The following EPC2 variants were observed in gnomAD, a reference collection of about 807,000 sequenced individuals.
EPC2 encodes the protein enhancer of polycomb homolog 2.
Under a neutral mutation model 92.1 loss-of-function variants are expected in EPC2, and 14 were observed. The observed-to-expected ratio is 0.15, with a 90% CI of 0.10 to 0.24. The LOEUF is 0.24. Among genes scored for constraint, EPC2 ranks in the 10% least tolerant of loss-of-function variants. The pLI is 1.00. For synonymous variants in EPC2, 340 were observed against 334.7 expected (o/e 1.02, Z -0.17); for missense variants, 755 against 971.5 (o/e 0.78, Z 2.96).
At chr2:148,715,401 T>C (rs1338464396) in intron 2 of EPC2, among the ~76,000 whole-genome samples, 1 of 152,214 alleles carries the variant, frequency 6.6e-6, no homozygotes, top group East Asian at 1.9e-4. Flanking sequence ...GATTTTTGTT[T>C]TTGGTGTAAG....
intron 1 of EPC2, among the ~76,000 whole-genome samples, chr2:148,678,978 A>G (rs1442521297): frequency 6.6e-6 from 1 of 152,196 alleles, no homozygotes; most frequent in East Asian, 1.9e-4. Context: ...GAGCCTAGGA[A>G]TTTGAAGTTA....
chr2:148,769,971 A>AT (rs1228971349), intron 8 of EPC2, among the ~76,000 whole-genome samples: 2 of 152,194 alleles, frequency 1.3e-5, no homozygotes, highest in African/African-American at 4.8e-5. Context: ...GAAAGGGGAC[A>AT]GACAGCATGA....
intron 1 of EPC2, among the ~76,000 whole-genome samples, chr2:148,665,876 G>A (rs984598207): frequency 3.9e-5 from 6 of 152,136 alleles, no homozygotes; most frequent in Admixed American, 2.0e-4. Context: ...GGAATTTATA[G>A]TAAATGGGCA....
chr2:148,707,609 C>T (rs1682030303), intron 2 of EPC2, among the ~76,000 whole-genome samples: 1 of 152,096 alleles, frequency 6.6e-6, no homozygotes, highest in South Asian at 2.1e-4. Flanking sequence ...TAAAGCATTC[C>T]TCAGCAAATG....
At chr2:148,646,849 C>G (rs749620738) in intron 1 of EPC2, among the ~76,000 whole-genome samples, 5 of 152,034 alleles carry the variant, frequency 3.3e-5, no homozygotes, top group Non-Finnish European at 7.4e-5. Flanking sequence ...CGGTGGGTCA[C>G]GCCTGTAATC....
chr2:148,775,725 ATATC>A (rs1683625665), intron 10 of EPC2, among the ~76,000 whole-genome samples: 2 of 147,406 alleles, frequency 1.4e-5, no homozygotes, highest in Admixed American at 6.8e-5. Context: ...AAAAAATTAA[ATATC>A]TTTAAATATC....
intron 1 of EPC2, among the ~76,000 whole-genome samples, chr2:148,663,508 G>T (rs1413364675): frequency 6.6e-6 from 1 of 150,682 alleles, no homozygotes; most frequent in Non-Finnish European, 1.5e-5. Context: ...GTGAGCCACT[G>T]CGCCCAGCCA....
At chr2:148,659,693 C>A (rs1680894845) in intron 1 of EPC2, among the ~76,000 whole-genome samples, 1 of 151,844 alleles carries the variant, frequency 6.6e-6, no homozygotes, top group African/African-American at 2.4e-5. Flanking sequence ...TGAGACTAGC[C>A]CAGGCAACAT....
At chr2:148,684,983 A>G (rs2105368665) in intron 1 of EPC2, among the ~76,000 whole-genome samples, 1 of 152,292 alleles carries the variant, frequency 6.6e-6, no homozygotes, top group African/African-American at 2.4e-5. Flanking sequence ...TCTGATTACT[A>G]ATGAATTTGC....
chr2:148,703,952 G>T (rs552714985), intron 2 of EPC2, among the ~76,000 whole-genome samples: 1 of 152,290 alleles, frequency 6.6e-6, no homozygotes, highest in South Asian at 2.1e-4. Context: ...GTGGACTGTT[G>T]GGAATGTAAA....
chr2:148,758,096 A>G (rs1417316572), intron 4 of EPC2, among the ~76,000 whole-genome samples: 1 of 150,344 alleles, frequency 6.7e-6, no homozygotes, highest in East Asian at 2.0e-4. Flanking sequence ...AAGTTTGAGC[A>G]TCAAAATAGA....
intron 2 of EPC2, chr2:148,691,521 G>C: frequency 6.5e-7 from 1 of 1,550,072 alleles, no homozygotes; most frequent in Non-Finnish European, 8.7e-7. Context: ...ATTCTGAGAT[G>C]CACTGTTTTC....
chr2:148,712,240 T>TGG (rs138310494), intron 2 of EPC2, among the ~76,000 whole-genome samples: 3 of 150,978 alleles, frequency 2.0e-5, no homozygotes, highest in African/African-American at 7.4e-5. Flanking sequence ...TTTGTGTGTG[T>TGG]GGGGGTGTGT....
At chr2:148,727,435 A>G (rs1407283045) in intron 2 of EPC2, among the ~76,000 whole-genome samples, 1 of 152,224 alleles carries the variant, frequency 6.6e-6, no homozygotes, top group Non-Finnish European at 1.5e-5. Flanking sequence ...TACTAACATT[A>G]GAACAACAAC....
chr2:148,765,539 C>T (rs1284890185), intron 7 of EPC2, among the ~76,000 whole-genome samples: 1 of 152,122 alleles, frequency 6.6e-6, no homozygotes, highest in Non-Finnish European at 1.5e-5. Flanking sequence ...TTTTACCACA[C>T]TCCACCAGCA....
chr2:148,730,785 G>C (rs1682602729), intron 2 of EPC2, among the ~76,000 whole-genome samples: 1 of 152,156 alleles, frequency 6.6e-6, no homozygotes, highest in South Asian at 2.1e-4. Flanking sequence ...CCTACTGAGA[G>C]GCCATTTTAG....
intron 4 of EPC2, among the ~76,000 whole-genome samples, chr2:148,757,002 G>A (rs1225313046): frequency 6.6e-6 from 1 of 152,202 alleles, no homozygotes; most frequent in Non-Finnish European, 1.5e-5. Flanking sequence ...AGTAAAGGGG[G>A]CAAGTGGATT....
chr2:148,781,915 T>A (rs1427288029), intron 11 of EPC2, 135 bp downstream of exon 11: 2 of 960,056 alleles, frequency 2.1e-6, no homozygotes, highest in South Asian at 1.7e-5. Flanking sequence ...GAATTTCTTT[T>A]CAGTTAATGT....
At chr2:148,716,841 A>G (rs964208966) in intron 2 of EPC2, among the ~76,000 whole-genome samples, 8 of 152,268 alleles carry the variant, frequency 5.3e-5, no homozygotes, top group Admixed American at 3.9e-4. Context: ...TACCTCTGGT[A>G]TAATTTAGCT....
Sources: allele counts gnomAD v4.1 joint callset (sites outside exome capture counted in the v4.1 genomes callset), GRCh38; gene constraint gnomAD v4.1.1; transcripts MANE v1.5; gene names NCBI Gene and HGNC (gene_info 2026-07-23, HGNC 2026-07-21).